The following EPS15 variants were observed in gnomAD, a reference collection of about 807,000 sequenced individuals.
The protein encoded by EPS15 is epidermal growth factor receptor substrate 15.
Under a neutral mutation model 113.8 loss-of-function variants are expected in EPS15, and 72 were observed. That is an observed-to-expected ratio of 0.63 (90% confidence interval 0.52 to 0.77). The LOEUF (loss-of-function observed/expected upper bound fraction) is 0.77, where lower values mean the gene tolerates loss of function less well. EPS15 is among the 30% of genes least tolerant of loss of function. The pLI is 0.00. For synonymous variants in EPS15, 344 were observed against 363.4 expected, an observed-to-expected ratio of 0.95 and a Z score of 0.61; for missense variants, 1,048 against 1,045.8, an observed-to-expected ratio of 1.00 and a Z score of -0.03.
chr1:51,399,823 C>T (rs925844339), intron 19 of EPS15, among the ~76,000 whole-genome samples: 1 of 151,918 alleles, frequency 6.6e-6, no homozygotes, highest in Non-Finnish European at 1.5e-5. Context: ...GACCGCACTA[C>T]TTGTACTCTA....
chr1:51,395,617 T>C (rs924678034), intron 20 of EPS15, among the ~76,000 whole-genome samples: 26 of 152,346 alleles, frequency 1.7e-4, no homozygotes, highest in African/African-American at 5.3e-4. Flanking sequence ...CAAGAGCAAC[T>C]GATCTTGCTA....
At chr1:51,380,058 A>G (rs111844890) in intron 21 of EPS15, among the ~76,000 whole-genome samples, 5,350 of 135,252 alleles carry the variant, frequency 0.04, 124 homozygotes, top group Non-Finnish European at 0.058. Context: ...TGCTTCCAGG[A>G]AAAAAAAAAA....
At chr1:51,412,521 G>T (rs990123233) in intron 13 of EPS15, among the ~76,000 whole-genome samples, 7 of 152,128 alleles carry the variant, frequency 4.6e-5, no homozygotes, top group African/African-American at 1.7e-4. Flanking sequence ...CTAACATTCC[G>T]TGAGTTTGTG....
In EPS15 at chr1:51,356,863, CGAT is replaced by C. The variant is rs1182678204; in HGVS notation, c.2545-20_2545-18del. ...AGAGGGATACTGCCATTTAAAAGAT[CGAT>C]GAACAAACGAATAAATAAATGAGTA... On this transcript the variant is annotated intron_variant, in intron 24 of 24. Transcript: ENST00000371733. 1.9e-6 allele frequency: 3 copies of C among 1,591,080 alleles called. No individual in the cohort carries two copies. In the African/African-American group the frequency reaches 4.1e-5, roughly 22 times the overall value.
chr1:51,461,057 A>C (rs1466104890), intron 8 of EPS15, 34 bp downstream of exon 8: 1 of 1,358,870 alleles, frequency 7.4e-7, no homozygotes, highest in Non-Finnish European at 1.1e-6. Flanking sequence ...AATCATTAAG[A>C]TAATGAAGAT....
At chr1:51,493,784 G>A (rs1314107956) in intron 1 of EPS15, among the ~76,000 whole-genome samples, 1 of 151,476 alleles carries the variant, frequency 6.6e-6, no homozygotes, top group East Asian at 2.0e-4. Context: ...GCTAATTTTT[G>A]TATTTTTTTT....
At chr1:51,457,923 A>C (rs1345988986) in intron 8 of EPS15, 3 of 152,202 alleles carry the variant, frequency 2.0e-5, no homozygotes, top group Non-Finnish European at 4.4e-5. Flanking sequence ...AACAGAGAAA[A>C]TAAAAATGTA....
chr1:51,476,672 A>G (rs923878379), intron 2 of EPS15, among the ~76,000 whole-genome samples: 25 of 151,928 alleles, frequency 1.6e-4, no homozygotes, highest in African/African-American at 5.6e-4. Flanking sequence ...TGATTTTTTG[A>G]AGGGTTTTTT....
intron 1 of EPS15, among the ~76,000 whole-genome samples, chr1:51,484,967 T>C (rs911599863): frequency 6.6e-6 from 1 of 152,140 alleles, no homozygotes; most frequent in African/African-American, 2.4e-5. Flanking sequence ...TGTTTATTTA[T>C]TTTGTTGTTT....
intron 8 of EPS15, chr1:51,458,736 A>AAAT: frequency 1.3e-5 from 2 of 150,098 alleles, no homozygotes; most frequent in South Asian, 3.2e-4. Context: ...GACTCCGTCT[A>AAAT]AAAAAAAAAA....
chr1:51,466,411 C>G (rs1229458847), intron 5 of EPS15, among the ~76,000 whole-genome samples: 1 of 151,550 alleles, frequency 6.6e-6, no homozygotes, highest in East Asian at 1.9e-4. Flanking sequence ...CACCTGAGGT[C>G]AGGAGTTCGA....
intron 19 of EPS15, among the ~76,000 whole-genome samples, chr1:51,400,600 G>C (rs1293705073): frequency 6.6e-6 from 1 of 151,506 alleles, no homozygotes; most frequent in Admixed American, 6.6e-5. Context: ...AGGAGGCTGA[G>C]GCAGGAGGAT....
At chr1:51,511,336 T>C (rs1363000122) in intron 1 of EPS15, among the ~76,000 whole-genome samples, 1 of 145,584 alleles carries the variant, frequency 6.9e-6, no homozygotes, top group East Asian at 2.1e-4. Flanking sequence ...GTACTAAAAA[T>C]ACAAAAAAAA....
chr1:51,467,133 T>C (rs1230419000), intron 5 of EPS15, among the ~76,000 whole-genome samples: 2 of 152,222 alleles, frequency 1.3e-5, no homozygotes, highest in African/African-American at 2.4e-5. Context: ...TAAAATTACA[T>C]ACTGTCACCT....
At chr1:51,435,178 C>CTTTTTCT (rs769776971) in intron 12 of EPS15, among the ~76,000 whole-genome samples, 2 of 151,448 alleles carry the variant, frequency 1.3e-5, no homozygotes, top group South Asian at 4.2e-4. Flanking sequence ...AAATCCTTTT[C>CTTTTTCT]TTTTTCTTTT....
intron 21 of EPS15, among the ~76,000 whole-genome samples, chr1:51,371,185 G>C (rs1646640791): frequency 6.6e-6 from 1 of 152,166 alleles, no homozygotes; most frequent in Non-Finnish European, 1.5e-5. Flanking sequence ...AAAGTGCTGG[G>C]ATTACAGGTG....
chr1:51,357,376 G>GGA (rs1336311141), intron 24 of EPS15, among the ~76,000 whole-genome samples: 3 of 33,132 alleles, frequency 9.1e-5, no homozygotes, highest in African/African-American at 5.8e-4. Context: ...GATTCCATCT[G>GGA]AAAAAAAAAA....
At chr1:51,488,513 G>C (rs12118021) in intron 1 of EPS15, among the ~76,000 whole-genome samples, 1 of 140,322 alleles carries the variant, frequency 7.1e-6, no homozygotes, top group Non-Finnish European at 1.5e-5. Flanking sequence ...CTTTGTATCA[G>C]AAAGGTATTC....
At chr1:51,399,195 CA>C (rs770787546) in intron 19 of EPS15, 30 bp from the exon 20 acceptor site, 326 of 1,573,146 alleles carry the variant, frequency 2.1e-4, no homozygotes, top group South Asian at 3.8e-4. Context: ...ATATAAGAGA[CA>C]AAAAAAAATT....
Sources: gnomAD v4.1 joint callset for allele counts (sites outside exome capture counted in the v4.1 genomes callset) on GRCh38, gnomAD v4.1.1 for gene constraint, MANE v1.5 for transcripts, NCBI Gene and HGNC (gene_info 2026-07-23, HGNC 2026-07-21) for gene names.